The following NR6A1 variants were observed in gnomAD, a reference collection of about 807,000 sequenced individuals.
NR6A1 encodes the protein retinoic acid receptor-related testis-associated receptor.
A neutral mutation model predicts 59.1 loss-of-function variants in NR6A1; 7 were observed. That is an observed-to-expected ratio of 0.12 (90% CI 0.07 to 0.22). NR6A1 has a LOEUF of 0.22. NR6A1 is among the 10% of genes least tolerant of loss of function. The probability of loss-of-function intolerance (pLI) is 1.00; values close to 1 mark genes in which losing one functional copy is unlikely to be tolerated. For synonymous variants in NR6A1, 243 were observed against 236.1 expected (o/e 1.03, Z -0.27); for missense variants, 468 against 611.6 (o/e 0.77, Z 2.48).
chr9:124,691,845 T>C (rs1183189222), intron 2 of NR6A1, among the ~76,000 whole-genome samples: 1 of 152,220 alleles, frequency 6.6e-6, no homozygotes. Context: ...ACCTCACCTA[T>C]AGACCTACCT....
chr9:124,586,352 G>A (rs1834934165), intron 2 of NR6A1, among the ~76,000 whole-genome samples: 1 of 152,156 alleles, frequency 6.6e-6, no homozygotes, highest in Non-Finnish European at 1.5e-5. Context: ...GGCTTCAGTG[G>A]AGGAAGTAAA....
chr9:124,578,187 C>G (rs186465237), intron 2 of NR6A1, among the ~76,000 whole-genome samples: 154 of 152,264 alleles, frequency 1.0e-3, no homozygotes, highest in Non-Finnish European at 1.9e-3. Context: ...CCATGGACCT[C>G]TTTTCTACCA....
chr9:124,759,067 G>C (rs1840715963), intron 1 of NR6A1, among the ~76,000 whole-genome samples: 1 of 152,130 alleles, frequency 6.6e-6, no homozygotes, highest in African/African-American at 2.4e-5. Flanking sequence ...CCTCTCTAAA[G>C]TCTTTTCCTA....
chr9:124,544,313 C>T (rs970786128), intron 3 of NR6A1, among the ~76,000 whole-genome samples: 1 of 152,052 alleles, frequency 6.6e-6, no homozygotes, highest in Non-Finnish European at 1.5e-5. Context: ...GAATTTTGAC[C>T]TCAATGGTTT....
intron 2 of NR6A1, among the ~76,000 whole-genome samples, chr9:124,673,783 A>G (rs1054049578): frequency 5.3e-5 from 8 of 152,186 alleles, no homozygotes; most frequent in Non-Finnish European, 8.8e-5. Context: ...ACACCTATCA[A>G]ATTTCTCTAT....
intron 9 of NR6A1, 52 bp downstream of exon 9, chr9:124,524,669 A>T: frequency 1.3e-6 from 2 of 1,591,484 alleles, no homozygotes; most frequent in Non-Finnish European, 1.7e-6. Flanking sequence ...CATTCCCTTC[A>T]CAAGCTAAGA....
At chr9:124,770,027 C>T (rs1169799078) in intron 1 of NR6A1, 3 of 152,354 alleles carry the variant, frequency 2.0e-5, no homozygotes, top group African/African-American at 7.2e-5. Context: ...CCCGAGGAAC[C>T]TGAGGACCCG....
intron 2 of NR6A1, chr9:124,692,368 G>A: frequency 2.5e-6 from 1 of 404,246 alleles, no homozygotes; most frequent in Non-Finnish European, 5.5e-6. Flanking sequence ...TTGAAACCCA[G>A]AGAGGAATGT....
intron 2 of NR6A1, among the ~76,000 whole-genome samples, chr9:124,600,020 C>T (rs1428493481): frequency 6.6e-6 from 1 of 152,192 alleles, no homozygotes; most frequent in Admixed American, 6.5e-5. Flanking sequence ...CTAGTGGCCA[C>T]ATGATCACTA....
At position 124,554,457 on chromosome 9, in the gene NR6A1, G is replaced by T. The variant is rs926215399; in HGVS notation, c.256C>A (p.Arg86=). The T allele has an allele frequency of 1.2e-6, 2 of 1,613,936 alleles. No homozygotes were observed. The highest frequency in any genetic ancestry group is 2.7e-5 in the African/African-American group (2 of 74,890). The part of the protein sequence containing the change: ...SCEGCKGFFK[R]SICNKRVYRC... ...TATACCCGTTTGTTGCAAATGCTCC[G>T]CTTGAAAAACCCTTTGCAGCCCTCA... Residue 86 remains arginine, a synonymous_variant, in exon 3 of 10, where the codon CGG becomes AGG. Coordinates refer to ENST00000487099, the MANE Select transcript of NR6A1 (RefSeq NM_033334.4).
At chr9:124,593,647 G>GT in intron 2 of NR6A1, among the ~76,000 whole-genome samples, 1 of 152,188 alleles carries the variant, frequency 6.6e-6, no homozygotes, top group East Asian at 1.9e-4. Context: ...GGGCACTCAA[G>GT]TATTTTTCTC....
At chr9:124,682,560 A>C (rs919968012) in intron 2 of NR6A1, among the ~76,000 whole-genome samples, 1 of 152,176 alleles carries the variant, frequency 6.6e-6, no homozygotes, top group African/African-American at 2.4e-5. Context: ...ACCAATTTTT[A>C]AAAAAATAGC....
intron 2 of NR6A1, among the ~76,000 whole-genome samples, chr9:124,652,820 G>C (rs1448451375): frequency 6.6e-6 from 1 of 152,200 alleles, no homozygotes; most frequent in Non-Finnish European, 1.5e-5. Flanking sequence ...CTCAAGGCTA[G>C]GTGAGTAATG....
chr9:124,755,486 T>C (rs1840608059), intron 1 of NR6A1, among the ~76,000 whole-genome samples: 1 of 152,218 alleles, frequency 6.6e-6, no homozygotes. Flanking sequence ...CCTTACCGCT[T>C]GCTCAAACTA....
At chr9:124,637,662 G>A (rs372613551) in intron 2 of NR6A1, among the ~76,000 whole-genome samples, 14 of 152,148 alleles carry the variant, frequency 9.2e-5, no homozygotes, top group African/African-American at 2.4e-4. Context: ...AGGTCAAAGC[G>A]GGCAGATCAC....
intron 2 of NR6A1, among the ~76,000 whole-genome samples, chr9:124,696,062 G>A (rs1196191456): frequency 6.6e-6 from 1 of 152,124 alleles, no homozygotes; most frequent in African/African-American, 2.4e-5. Context: ...CATGTATAGG[G>A]GACAGGAAGA....
At chr9:124,669,061 A>G (rs180698217) in intron 2 of NR6A1, among the ~76,000 whole-genome samples, 45 of 152,350 alleles carry the variant, frequency 3.0e-4, no homozygotes, top group Admixed American at 2.0e-3. Flanking sequence ...CTAACAGGAC[A>G]CAGTATAATA....
At chr9:124,567,586 G>T (rs1023023647) in intron 2 of NR6A1, among the ~76,000 whole-genome samples, 1 of 151,982 alleles carries the variant, frequency 6.6e-6, no homozygotes, top group African/African-American at 2.4e-5. Flanking sequence ...GCAAGACAAT[G>T]AGACCCTGTT....
intron 2 of NR6A1, among the ~76,000 whole-genome samples, chr9:124,668,126 A>G (rs1173435452): frequency 6.6e-6 from 1 of 152,218 alleles, no homozygotes; most frequent in Non-Finnish European, 1.5e-5. Context: ...TACATATTTT[A>G]TATGTTATAT....
Sources: gnomAD v4.1 joint callset for allele counts (sites outside exome capture counted in the v4.1 genomes callset) on GRCh38, gnomAD v4.1.1 for gene constraint, MANE v1.5 for transcripts, NCBI Gene and HGNC (gene_info 2026-07-23, HGNC 2026-07-21) for gene names.